The following CNKSR3 variants were observed in gnomAD, a reference collection of about 807,000 sequenced individuals.
CNKSR3 encodes connector enhancer of kinase suppressor of ras 3.
A neutral mutation model predicts 67.7 loss-of-function variants in CNKSR3; 36 were observed. The ratio of observed to expected loss-of-function variants is 0.53; its 90% CI spans 0.41 to 0.70. The LOEUF is 0.70. CNKSR3 is among the 30% of genes least tolerant of loss of function. The pLI, the probability that CNKSR3 is intolerant of heterozygous loss-of-function variation, is 0.00. For synonymous variants in CNKSR3, 281 were observed against 271.4 expected (o/e 1.04, Z -0.35); for missense variants, 630 against 695.2 (o/e 0.91, Z 1.05).
intron 9 of CNKSR3, chr6:154,414,747 T>G (rs775545251): frequency 1.9e-6 from 1 of 531,672 alleles, no homozygotes; most frequent in South Asian, 1.4e-5. Flanking sequence ...GTGATACTGA[T>G]AATATCTCTT....
chr6:154,496,625 T>C (rs1786884471), intron 1 of CNKSR3, among the ~76,000 whole-genome samples: 1 of 152,228 alleles, frequency 6.6e-6, no homozygotes, highest in African/African-American at 2.4e-5. Context: ...ATGAGAGCAT[T>C]AGAACCTAAA....
rs1433450447 is a variant in CNKSR3, at chr6:154,404,470, G to T, written c.*1884C>A. On this transcript the variant is annotated 3_prime_UTR_variant, in exon 13 of 13. Coordinates refer to ENST00000607772, the MANE Select transcript of CNKSR3 (RefSeq NM_173515.4). ...GCCCCCCAAAGTTCTGGAATTACAG[G>T]CATGAGCCACTGCGCCAGGCCGAAA... 6.6e-6 allele frequency: 1 copy of T among 152,264 alleles called. No homozygotes were observed. Among genetic ancestry groups the T allele is most frequent in the Non-Finnish European group, 1.5e-5 (1 of 68,154 alleles). The allele number at this position is 152,264 out of a possible 1,614,324, so 9.4% of individuals were successfully genotyped here.
intron 1 of CNKSR3, among the ~76,000 whole-genome samples, chr6:154,455,670 C>T (rs979003215): frequency 6.6e-6 from 1 of 152,106 alleles, no homozygotes; most frequent in African/African-American, 2.4e-5. Context: ...AATCCACCTG[C>T]CTCGACCTCC....
intron 1 of CNKSR3, among the ~76,000 whole-genome samples, chr6:154,482,113 C>T (rs1461752021): frequency 1.3e-5 from 2 of 152,230 alleles, no homozygotes; most frequent in Admixed American, 6.5e-5. Context: ...ACCAACTTCT[C>T]TCAAATAGGC....
rs140375814 is a variant in CNKSR3, at chr6:154,413,929, T to C, written c.1070+370A>G. On this transcript the variant is annotated intron_variant, in intron 10 of 12. Coordinates refer to ENST00000607772, the MANE Select transcript of CNKSR3 (RefSeq NM_173515.4). ...AACTCAGCTAATTTTTGTATTTTTT[T>C]ATAGAGATGAGGTTTTACCATGTTG... Among the ~76,000 whole-genome samples the C allele has an allele frequency of 9.8e-3, 1,496 of 152,092 alleles. 10 individuals carry two copies. Among genetic ancestry groups the C allele is most frequent in the Middle Eastern group, 0.017 (5 of 292 alleles).
intron 2 of CNKSR3, among the ~76,000 whole-genome samples, chr6:154,449,282 T>G (rs1456951733): frequency 1.3e-5 from 2 of 152,222 alleles, no homozygotes; most frequent in Non-Finnish European, 2.9e-5. Flanking sequence ...AAATCAGACA[T>G]GAAAATCAGA....
At chr6:154,441,772 A>T (rs756443055) in intron 3 of CNKSR3, among the ~76,000 whole-genome samples, 1 of 152,114 alleles carries the variant, frequency 6.6e-6, no homozygotes, top group African/African-American at 2.4e-5. Flanking sequence ...TTGACAGTTA[A>T]CATCCCTTCT....
intron 1 of CNKSR3, among the ~76,000 whole-genome samples, chr6:154,458,893 T>C (rs946235): frequency 0.035 from 5,274 of 152,206 alleles, 243 homozygotes; most frequent in African/African-American, 0.11. Context: ...GAAAACTGGA[T>C]TGGAAAGCTG....
chr6:154,430,327 C>T, intron 6 of CNKSR3, 145 bp downstream of exon 6: 2 of 625,384 alleles, frequency 3.2e-6, no homozygotes. Context: ...TTCAAGATAG[C>T]ACATTCCTAA....
intron 1 of CNKSR3, among the ~76,000 whole-genome samples, chr6:154,466,372 A>G (rs957426947): frequency 1.3e-5 from 2 of 152,208 alleles, no homozygotes; most frequent in East Asian, 3.8e-4. Context: ...CCACAAAAAC[A>G]AAAACAAAGG....
rs1465464166 is a variant in CNKSR3 at position 154,400,887 on chromosome 6, A to G, written c.*5467T>C. ...CAAATAATTAAAAGGTAAATTTTACAGTAAAGAGACTAATTTTTTTCTAAT... is the reference window on the plus strand; with the variant it reads ...CAAATAATTAAAAGGTAAATTTTACGGTAAAGAGACTAATTTTTTTCTAAT... On this transcript the variant is annotated 3_prime_UTR_variant, in exon 13 of 13. Coordinates refer to ENST00000607772, the MANE Select transcript of CNKSR3 (RefSeq NM_173515.4). The G allele has an allele frequency of 6.6e-6, 1 of 152,250 alleles. No individual in the cohort carries two copies. Among genetic ancestry groups the G allele is most frequent in the African/African-American group, 2.4e-5 (1 of 41,468 alleles). 9.4% of individuals were successfully genotyped at this position (152,250 alleles called of 1,614,324 possible).
chr6:154,458,783 C>G (rs1165943599), intron 1 of CNKSR3, among the ~76,000 whole-genome samples: 1 of 152,170 alleles, frequency 6.6e-6, no homozygotes, highest in Admixed American at 6.5e-5. Context: ...CTGACACCCA[C>G]GCACACTACT....
intron 1 of CNKSR3, among the ~76,000 whole-genome samples, chr6:154,487,011 A>G (rs1388756414): frequency 6.7e-6 from 1 of 149,018 alleles, no homozygotes; most frequent in Non-Finnish European, 1.5e-5. Context: ...GAGGGGGTTC[A>G]AGTGATTCTC....
At chr6:154,436,887 T>C (rs900512896) in intron 4 of CNKSR3, among the ~76,000 whole-genome samples, 4 of 151,926 alleles carry the variant, frequency 2.6e-5, no homozygotes, top group African/African-American at 7.3e-5. Flanking sequence ...TGTTAAGAAA[T>C]GAAGAAATTT....
At chr6:154,439,855 C>T (rs1005815227) in intron 4 of CNKSR3, among the ~76,000 whole-genome samples, 10 of 152,134 alleles carry the variant, frequency 6.6e-5, no homozygotes, top group African/African-American at 2.4e-4. Context: ...TACACCCCTG[C>T]ACTTCAACCT....
chr6:154,484,291 T>C (rs1202075249), intron 1 of CNKSR3, among the ~76,000 whole-genome samples: 2 of 152,228 alleles, frequency 1.3e-5, no homozygotes, highest in Admixed American at 6.5e-5. Context: ...GCTCTTGTTA[T>C]ATAACCAACA....
At chr6:154,483,973 G>A (rs1786616779) in intron 1 of CNKSR3, among the ~76,000 whole-genome samples, 1 of 152,148 alleles carries the variant, frequency 6.6e-6, no homozygotes, top group Admixed American at 6.5e-5. Flanking sequence ...GCTGGTGGAT[G>A]GGACCTACAA....
rs1784701874 is a variant in CNKSR3 at position 154,400,256 on chromosome 6, G to A, written c.*6098C>T. On this transcript the variant is annotated 3_prime_UTR_variant, in exon 13 of 13. Transcript: ENST00000607772. ...CAGTGACTCCAATGGTCAGTGACAT[G>A]CAGGAGGAAACGCAGGATTAGGACC... The A allele has an allele frequency of 6.6e-6, 1 of 152,228 alleles. No individual in the cohort carries two copies. The highest frequency in any genetic ancestry group is 1.9e-4 in the East Asian group (1 of 5,202). 9.4% of individuals were successfully genotyped at this position (152,228 alleles called of 1,614,324 possible).
intron 1 of CNKSR3, among the ~76,000 whole-genome samples, chr6:154,483,029 G>A (rs1474500285): frequency 2.6e-5 from 4 of 152,172 alleles, no homozygotes; most frequent in African/African-American, 9.7e-5. Context: ...AAAACTGAAA[G>A]GCAGTTCTGT....
Sources: gnomAD v4.1 joint callset for allele counts (sites outside exome capture counted in the v4.1 genomes callset) on GRCh38, gnomAD v4.1.1 for gene constraint, MANE v1.5 for transcripts, NCBI Gene and HGNC (gene_info 2026-07-23, HGNC 2026-07-21) for gene names.